The following GAK variants were observed in gnomAD, a reference collection of about 807,000 sequenced individuals.
GAK encodes cyclin G associated kinase.
In GAK, 79 loss-of-function variants were observed where a neutral mutation model predicts 143.9. That is an observed-to-expected ratio of 0.55 (90% CI 0.46 to 0.66). The LOEUF (loss-of-function observed/expected upper bound fraction) is 0.66, where lower values mean the gene tolerates loss of function less well. Ranked by LOEUF, GAK falls within the 30% of genes least tolerant of loss-of-function variation. The pLI, the probability that GAK is intolerant of heterozygous loss-of-function variation, is 0.00. For synonymous variants in GAK, 881 were observed against 765.5 expected, an observed-to-expected ratio of 1.15 and a Z score of -2.49; for missense variants, 1,693 against 1,779.7, an observed-to-expected ratio of 0.95 and a Z score of 0.88.
At chr4:905,746 C>T (rs1720975115) in intron 4 of GAK, among the ~76,000 whole-genome samples, 1 of 152,234 alleles carries the variant, frequency 6.6e-6, no homozygotes, top group South Asian at 2.1e-4. Flanking sequence ...CGCCACACCC[C>T]AGGCCACGTT....
chr4:892,993 T>A (rs1010306251), intron 9 of GAK, among the ~76,000 whole-genome samples: 1 of 152,072 alleles, frequency 6.6e-6, no homozygotes, highest in Non-Finnish European at 1.5e-5. Context: ...CCCACTGAAG[T>A]GGGCAGAGAC....
At chr4:868,282 A>G (rs1262550676) in intron 20 of GAK, among the ~76,000 whole-genome samples, 1 of 152,018 alleles carries the variant, frequency 6.6e-6, no homozygotes, top group Non-Finnish European at 1.5e-5. Flanking sequence ...AGGCCCACAG[A>G]CTGGGATGAA....
intron 20 of GAK, among the ~76,000 whole-genome samples, chr4:867,884 C>A (rs941852988): frequency 6.6e-6 from 1 of 152,262 alleles, no homozygotes; most frequent in Non-Finnish European, 1.5e-5. Flanking sequence ...CCAGCCTCTG[C>A]CTCAAGGGTC....
chr4:926,148 C>T (rs1225860539), intron 1 of GAK, among the ~76,000 whole-genome samples: 6 of 151,884 alleles, frequency 4.0e-5, no homozygotes, highest in Admixed American at 3.3e-4. Context: ...GTCTAATTCA[C>T]CCCAGGGGGT....
intron 24 of GAK, among the ~76,000 whole-genome samples, chr4:856,520 C>T (rs556820241): frequency 6.8e-6 from 1 of 145,998 alleles, no homozygotes; most frequent in East Asian, 2.0e-4. Context: ...GCTGCTCACA[C>T]CTGCTCACCA....
In GAK at chr4:862,992, C is replaced by T. The variant is rs575729516; in HGVS notation, c.3166+2130G>A. Among the ~76,000 whole-genome samples the T allele has an allele frequency of 2.6e-5, 4 of 152,330 alleles. No homozygotes were observed. In the East Asian group the frequency reaches 7.7e-4, roughly 29 times the overall value. The stretch of plus-strand genomic sequence containing the variant: ...CTATTTAAGAAACACATTTCTAAGG[C>T]TATAGCGGCCAGATTCCTCTGATGG... On this transcript the variant is annotated intron_variant, in intron 23 of 27. Transcript: ENST00000314167.
At chr4:893,069 T>G (rs190579871) in intron 9 of GAK, among the ~76,000 whole-genome samples, 10 of 152,024 alleles carry the variant, frequency 6.6e-5, no homozygotes, top group African/African-American at 2.4e-4. Flanking sequence ...GTGGGGGGAT[T>G]TGGGGCTCAC....
At chr4:902,605 A>AAAAAAAAAAAAAAAAAAAAAAAC (rs1180561371) in intron 5 of GAK, among the ~76,000 whole-genome samples, 6 of 130,370 alleles carry the variant, frequency 4.6e-5, no homozygotes, top group East Asian at 2.4e-4. Flanking sequence ...TCAAAAAAAA[A>AAAAAAAAAAAAAAAAAAAAAAAC]AAAAAAAAAC....
At chr4:870,386 G>A (rs775482447) in intron 19 of GAK, among the ~76,000 whole-genome samples, 1 of 152,196 alleles carries the variant, frequency 6.6e-6, no homozygotes, top group Non-Finnish European at 1.5e-5. Flanking sequence ...CGTGTGTCCA[G>A]CACACATGAC....
At chr4:861,073 C>T (rs895422600) in intron 23 of GAK, among the ~76,000 whole-genome samples, 6 of 152,188 alleles carry the variant, frequency 3.9e-5, no homozygotes, top group Non-Finnish European at 5.9e-5. Context: ...CCATAGAAGA[C>T]GGCGAGCTTA....
intron 1 of GAK, among the ~76,000 whole-genome samples, chr4:924,218 G>C (rs1352815993): frequency 6.7e-6 from 1 of 149,948 alleles, no homozygotes; most frequent in Non-Finnish European, 1.5e-5. Flanking sequence ...TCATCATCAG[G>C]GAAATTCCAA....
At position 877,680 on chromosome 4, in the gene GAK, G is replaced by C; in HGVS notation, c.1791C>G (p.Pro597=). 1 of 1,610,918 alleles carries C rather than the reference G, an allele frequency of 6.2e-7. No individual in the cohort carries two copies. The highest frequency in any genetic ancestry group is 8.5e-7 in the Non-Finnish European group (1 of 1,179,032). The change falls in exon 16 of 28, where the codon CCC becomes CCG. Residue 597 remains proline (P), a synonymous_variant. Transcript: ENST00000314167. ...CGTCCCCCACGTAGACCTCGCAGAA[G>C]GGCCTGCAGCCGCTCCTCTGCTTGC... is the stretch of plus-strand genomic sequence containing the variant. ...LFSKQRSGCR[P]FCEVYVGDER... is the part of the protein sequence containing the mutation.
At chr4:929,105 A>G (rs1025430561) in intron 1 of GAK, among the ~76,000 whole-genome samples, 2 of 152,194 alleles carry the variant, frequency 1.3e-5, no homozygotes, top group African/African-American at 4.8e-5. Flanking sequence ...TCCAAAAGCC[A>G]TGTCAAGGAG....
chr4:859,574 C>A, intron 24 of GAK, 32 bp downstream of exon 24: 1 of 1,587,294 alleles, frequency 6.3e-7, no homozygotes, highest in Non-Finnish European at 8.6e-7. Flanking sequence ...AAGGAAACAG[C>A]TTCCACACCC....
At chr4:929,964 T>C (rs1725407295) in intron 1 of GAK, among the ~76,000 whole-genome samples, 1 of 152,236 alleles carries the variant, frequency 6.6e-6, no homozygotes, top group Admixed American at 6.5e-5. Flanking sequence ...TATTAATGTA[T>C]TCAATTACAG....
At chr4:931,101 C>A (rs186717727) in intron 1 of GAK, among the ~76,000 whole-genome samples, 1 of 152,360 alleles carries the variant, frequency 6.6e-6, no homozygotes, top group East Asian at 1.9e-4. Context: ...CCAGGCACCA[C>A]TGGACAAAAA....
intron 17 of GAK, 117 bp downstream of exon 17, chr4:876,973 C>T (rs1714049146): frequency 2.9e-6 from 2 of 700,690 alleles, no homozygotes; most frequent in Non-Finnish European, 4.9e-6. Flanking sequence ...GCCCACGGCA[C>T]TCACCAAACA....
chr4:931,994 G>C (rs759856551), intron 1 of GAK, 49 bp downstream of exon 1: 1 of 1,345,904 alleles, frequency 7.4e-7, no homozygotes, highest in Admixed American at 1.9e-5. Context: ...CCAGCGTCCC[G>C]GAGACAACAC....
Position 884,048 on chromosome 4 carries a change from G to A in GAK, c.1244C>T (p.Ser415Phe). 1 of 1,613,838 alleles carries A rather than the reference G, an allele frequency of 6.2e-7. No individual in the cohort carries two copies. Among genetic ancestry groups the A allele is most frequent in the Non-Finnish European group, 8.5e-7 (1 of 1,179,852 alleles). The stretch of plus-strand genomic sequence containing the variant: ...TGTGGCACGCATACCTGCAATTCTG[G>A]ATGTGATGTAAGATATGTCCAGGTC... ...KGDLDISYIT[S>F]RIAVMSFPAE... The change falls in exon 12 of 28, where the codon TCC becomes TTC. Residue 415 changes from serine to phenylalanine, a missense_variant. Around this residue, in one of 2 missense-constraint regions of GAK, gnomAD observed 871 missense variants for 991.0 expected, o/e 0.88. Coordinates refer to ENST00000314167, the MANE Select transcript of GAK (RefSeq NM_005255.4).
Sources: allele counts gnomAD v4.1 joint callset (sites outside exome capture counted in the v4.1 genomes callset), GRCh38; gene constraint gnomAD v4.1.1; regional missense constraint gnomAD v4.1.1; transcripts MANE v1.5; gene names NCBI Gene and HGNC (gene_info 2026-07-23, HGNC 2026-07-21).